The following SPC25 variants were observed in gnomAD, a reference collection of about 807,000 sequenced individuals.
SPC25 encodes kinetochore protein Spc25.
SPC25 carries 22 observed loss-of-function variants against 29.6 expected under a neutral mutation model. The observed-to-expected ratio is 0.74, with a 90% CI of 0.53 to 1.06. The LOEUF (loss-of-function observed/expected upper bound fraction) is 1.06, where lower values mean the gene tolerates loss of function less well. SPC25 is among the 50% of genes least tolerant of loss of function. The pLI, the probability that SPC25 is intolerant of heterozygous loss-of-function variation, is 0.00. For synonymous variants in SPC25, 91 were observed against 90.4 expected (o/e 1.01, Z -0.04); for missense variants, 230 against 255.8 (o/e 0.90, Z 0.69).
At chr2:168,865,117 A>C (rs1689783730) in intron 4 of SPC25, 9 of 819,482 alleles carry the variant, frequency 1.1e-5, no homozygotes, top group Middle Eastern at 5.3e-4. Context: ...TGCATTCATG[A>C]TTATTAGCTT....
chr2:168,869,462 C>T (rs184146019), downstream of SPC25, among the ~76,000 whole-genome samples: 2,651 of 152,264 alleles, frequency 0.017, 77 homozygotes, highest in African/African-American at 0.056. Flanking sequence ...AAAACCCCAT[C>T]GTCTCAGCCC....
At chr2:168,866,568 C>G (rs1254595024), downstream of SPC25, among the ~76,000 whole-genome samples, 1 of 151,830 alleles carries the variant, frequency 6.6e-6, no homozygotes, top group East Asian at 1.9e-4. Context: ...TAGGCATGGG[C>G]AAGGATTTCA....
At chr2:168,888,947 G>A (rs1321435956) in intron 3 of SPC25, among the ~76,000 whole-genome samples, 4 of 70,478 alleles carry the variant, frequency 5.7e-5, no homozygotes, top group African/African-American at 3.0e-4. Flanking sequence ...GTGTGTGTGT[G>A]TGTGTGTGTG....
At chr2:168,878,781 G>C (rs1363603262) in intron 3 of SPC25, among the ~76,000 whole-genome samples, 2 of 152,072 alleles carry the variant, frequency 1.3e-5, no homozygotes, top group Non-Finnish European at 2.9e-5. Flanking sequence ...ATTCGTTTTT[G>C]TTCTTTGTTT....
intron 3 of SPC25, among the ~76,000 whole-genome samples, chr2:168,881,593 T>C (rs909222448): frequency 6.6e-6 from 1 of 152,244 alleles, no homozygotes; most frequent in African/African-American, 2.4e-5. Flanking sequence ...AGTGGTGCTT[T>C]ATAATGTGCT....
chr2:168,890,285 C>T, intron 1 of SPC25, 33 bp downstream of exon 1: 1 of 961,204 alleles, frequency 1.0e-6, no homozygotes, highest in Non-Finnish European at 1.2e-6. Context: ...ACAGGGGGGC[C>T]AAGGAGCCCA....
rs749317073 is a variant in SPC25 at position 168,871,503 on chromosome 2, TAC to T, written c.601_602del (p.Val201LysfsTer23). On this transcript the variant is annotated frameshift_variant, in exon 7 of 7. Coordinates refer to ENST00000282074, the MANE Select transcript of SPC25 (RefSeq NM_020675.4). LOFTEE classifies it high-confidence loss of function. ...LEGLAEFQEN[V>X]RKTNNFSAFL... ...AAGCTGAAAAATTGTTGGTCTTCCT[TAC>T]ATTCTCTTGAAATTCTGCTAGGCCC... 1.9e-6 allele frequency: 3 copies of T among 1,610,268 alleles called. No homozygotes were observed. In the South Asian group the frequency reaches 3.3e-5, roughly 18 times the overall value.
chr2:168,889,248 C>A lies in SPC25; in HGVS notation c.177G>T (p.Glu59Asp). 6.2e-7 allele frequency: 1 copy of A among 1,613,512 alleles called. No individual in the cohort carries two copies. The highest frequency in any genetic ancestry group is 8.5e-7 in the Non-Finnish European group (1 of 1,179,902). Residue 59 changes from glutamate (E) to aspartate (D), a missense_variant, in exon 3 of 7, where the codon GAG (glutamate) becomes GAT (aspartate). Coordinates refer to ENST00000282074, the MANE Select transcript of SPC25 (RefSeq NM_020675.4). Reference protein sequence around the residue: ...VKLKEEERMVEMFLEYQNQIS... With the variant: ...VKLKEEERMVDMFLEYQNQIS... ...TACGATTTTGATATTCCAGAAACAT[C>A]TCAACCATTCGTTCTTCTTCCTTTA... is the stretch of plus-strand genomic sequence containing the variant.
At chr2:168,886,660 T>A (rs149549446) in intron 3 of SPC25, among the ~76,000 whole-genome samples, 1 of 151,794 alleles carries the variant, frequency 6.6e-6, no homozygotes, top group Non-Finnish European at 1.5e-5. Context: ...GCTGGGACCA[T>A]AGGCGCCGGC....
At chr2:168,869,566 GACAA>G (rs1294268729), downstream of SPC25, among the ~76,000 whole-genome samples, 6 of 151,738 alleles carry the variant, frequency 4.0e-5, no homozygotes, top group East Asian at 9.6e-4. Flanking sequence ...ACCAATAACA[GACAA>G]ACAGAGAGCC....
At chr2:168,861,883 T>C in intron 4 of SPC25, 8 of 1,348,072 alleles carry the variant, frequency 5.9e-6, no homozygotes, top group Non-Finnish European at 8.4e-6. Flanking sequence ...ATCACACTGT[T>C]AAATAACCAA....
At chr2:168,881,897 G>C (rs1690182300) in intron 3 of SPC25, among the ~76,000 whole-genome samples, 1 of 152,156 alleles carries the variant, frequency 6.6e-6, no homozygotes, top group Admixed American at 6.5e-5. Flanking sequence ...ATTGAAGTGA[G>C]CATGGAATTC....
downstream of SPC25, among the ~76,000 whole-genome samples, chr2:168,867,578 T>A (rs1689889452): frequency 2.0e-5 from 3 of 152,216 alleles, no homozygotes; most frequent in Non-Finnish European, 4.4e-5. Flanking sequence ...AAGGCAAGGA[T>A]TGCAATCCTA....
intron 3 of SPC25, among the ~76,000 whole-genome samples, chr2:168,880,028 A>C (rs1358043197): frequency 6.6e-6 from 1 of 152,228 alleles, no homozygotes; most frequent in Non-Finnish European, 1.5e-5. Flanking sequence ...CCATTTATAG[A>C]ACATAGGCAG....
chr2:168,882,891 A>T (rs144900218), intron 3 of SPC25, among the ~76,000 whole-genome samples: 1 of 152,192 alleles, frequency 6.6e-6, no homozygotes, highest in Non-Finnish European at 1.5e-5. Context: ...TTATTACAAC[A>T]ATGTTTACAG....
intron 4 of SPC25, among the ~76,000 whole-genome samples, chr2:168,862,341 A>C (rs1020236901): frequency 2.0e-5 from 3 of 152,232 alleles, no homozygotes; most frequent in African/African-American, 7.2e-5. Context: ...AGACTGATAC[A>C]CAGGAAGGTT....
At chr2:168,865,149 G>T in intron 4 of SPC25, 2 of 672,362 alleles carry the variant, frequency 3.0e-6, no homozygotes, top group Non-Finnish European at 4.9e-6. Context: ...AAAAAAGATG[G>T]ATGGGTGGAG....
chr2:168,868,533 G>C (rs13425237), downstream of SPC25, among the ~76,000 whole-genome samples: 264 of 152,136 alleles, frequency 1.7e-3, no homozygotes, highest in African/African-American at 5.9e-3. Flanking sequence ...TATCACCACC[G>C]ATCCCACAGA....
downstream of SPC25, among the ~76,000 whole-genome samples, chr2:168,868,318 T>G (rs1280406323): frequency 1.3e-5 from 2 of 151,920 alleles, no homozygotes; most frequent in Admixed American, 1.3e-4. Flanking sequence ...AGCAAACACA[T>G]TCAAAAGCTA....
Sources: allele counts gnomAD v4.1 joint callset (sites outside exome capture counted in the v4.1 genomes callset), GRCh38; gene constraint gnomAD v4.1.1; transcripts MANE v1.5; gene names NCBI Gene and HGNC (gene_info 2026-07-23, HGNC 2026-07-21).